Variants in PBX3 observed in about 807,000 individuals in gnomAD.
PBX3 encodes PBX homeobox 3, also known as pre-B-cell leukemia transcription factor 3.
Under a neutral mutation model 48.5 loss-of-function variants are expected in PBX3, and 14 were observed. That is an observed-to-expected ratio of 0.29 (90% CI 0.19 to 0.45). The LOEUF (loss-of-function observed/expected upper bound fraction) is 0.45, where lower values mean the gene tolerates loss of function less well. Ranked by LOEUF, PBX3 falls within the 20% of genes least tolerant of loss-of-function variation. PBX3 has a pLI of 1.00. For synonymous variants in PBX3, 210 were observed against 200.3 expected (o/e 1.05, Z -0.41); for missense variants, 386 against 546.7 (o/e 0.71, Z 2.93).
At chr9:125,881,339 G>A (rs1456389549) in intron 2 of PBX3, among the ~76,000 whole-genome samples, 1 of 152,240 alleles carries the variant, frequency 6.6e-6, no homozygotes, top group Admixed American at 6.5e-5. Flanking sequence ...TGATTGTAAA[G>A]CTGTGTGTTG....
chr9:125,829,158 C>T (rs893371632), intron 2 of PBX3, among the ~76,000 whole-genome samples: 1 of 152,136 alleles, frequency 6.6e-6, no homozygotes, highest in African/African-American at 2.4e-5. Flanking sequence ...AAAGACGATT[C>T]GTTGCATGAT....
At chr9:125,880,304 A>C (rs1199536215) in intron 2 of PBX3, among the ~76,000 whole-genome samples, 1 of 152,188 alleles carries the variant, frequency 6.6e-6, no homozygotes, top group African/African-American at 2.4e-5. Context: ...CGGCCTCCCA[A>C]AGTGTTGGGA....
At chr9:125,799,466 A>G (rs960158786) in intron 2 of PBX3, among the ~76,000 whole-genome samples, 1 of 152,234 alleles carries the variant, frequency 6.6e-6, no homozygotes, top group African/African-American at 2.4e-5. Flanking sequence ...TGGTTGTGCC[A>G]CTGCACTCCG....
intron 5 of PBX3, among the ~76,000 whole-genome samples, chr9:125,939,280 C>T (rs1041219254): frequency 6.6e-6 from 1 of 151,602 alleles, no homozygotes; most frequent in East Asian, 1.9e-4. Context: ...GACAAAGAAC[C>T]GATTTCAAAA....
chr9:125,924,709 T>G (rs1841533227), intron 3 of PBX3, among the ~76,000 whole-genome samples: 1 of 152,220 alleles, frequency 6.6e-6, no homozygotes, highest in African/African-American at 2.4e-5. Context: ...AATATCGTAT[T>G]TATGGATATC....
At chr9:125,793,550 C>G (rs2132072703) in intron 2 of PBX3, among the ~76,000 whole-genome samples, 1 of 151,588 alleles carries the variant, frequency 6.6e-6, no homozygotes, top group Middle Eastern at 3.4e-3. Context: ...CTGCATCAGC[C>G]TCCCTAGTAG....
chr9:125,753,146 A>G (rs73667044), intron 2 of PBX3, among the ~76,000 whole-genome samples: 5,525 of 152,216 alleles, frequency 0.036, 347 homozygotes, highest in African/African-American at 0.12. Context: ...TTTAAGTTTC[A>G]TATCAATTTT....
At chr9:125,750,292 C>T (rs1248397830) in intron 2 of PBX3, among the ~76,000 whole-genome samples, 1 of 152,178 alleles carries the variant, frequency 6.6e-6, no homozygotes, top group African/African-American at 2.4e-5. Flanking sequence ...TATCGCTTCT[C>T]ATCCCCTTCT....
chr9:125,752,871 A>T (rs972881441), intron 2 of PBX3, among the ~76,000 whole-genome samples: 1 of 152,198 alleles, frequency 6.6e-6, no homozygotes, highest in Non-Finnish European at 1.5e-5. Context: ...TCAAGTTTTA[A>T]AAACAAATGC....
intron 2 of PBX3, among the ~76,000 whole-genome samples, chr9:125,866,074 C>T (rs1011439417): frequency 1.2e-4 from 18 of 150,776 alleles, no homozygotes; most frequent in African/African-American, 4.4e-4. Context: ...AAAAAAGCAA[C>T]GGTCACATAA....
intron 2 of PBX3, among the ~76,000 whole-genome samples, chr9:125,896,474 C>G (rs1840770671): frequency 6.6e-6 from 1 of 151,902 alleles, no homozygotes; most frequent in Admixed American, 6.6e-5. Flanking sequence ...TTAAAAATGC[C>G]CATTTTCTTT....
At chr9:125,820,895 T>C (rs1838631230) in intron 2 of PBX3, among the ~76,000 whole-genome samples, 1 of 152,254 alleles carries the variant, frequency 6.6e-6, no homozygotes, top group Admixed American at 6.5e-5. Flanking sequence ...TAATGTTTTG[T>C]TCAGTCTTTT....
intron 2 of PBX3, among the ~76,000 whole-genome samples, chr9:125,801,401 A>G (rs1359349206): frequency 6.6e-6 from 1 of 152,162 alleles, no homozygotes; most frequent in Admixed American, 6.5e-5. Flanking sequence ...TCTTGCCTAC[A>G]ACTCTGGCTC....
At chr9:125,838,631 T>C (rs986627247) in intron 2 of PBX3, among the ~76,000 whole-genome samples, 4 of 152,226 alleles carry the variant, frequency 2.6e-5, no homozygotes, top group Non-Finnish European at 5.9e-5. Flanking sequence ...ATAAATGTAA[T>C]TGTTGATTGC....
chr9:125,832,947 G>C (rs1276061644), intron 2 of PBX3, among the ~76,000 whole-genome samples: 1 of 152,116 alleles, frequency 6.6e-6, no homozygotes, highest in African/African-American at 2.4e-5. Context: ...ATTTCCTGAT[G>C]GCTCTGTCTG....
chr9:125,910,009 G>A (rs963625179), intron 2 of PBX3, among the ~76,000 whole-genome samples: 1 of 152,190 alleles, frequency 6.6e-6, no homozygotes, highest in Non-Finnish European at 1.5e-5. Flanking sequence ...GTAATAAAGC[G>A]ATGGATTGAC....
At chr9:125,748,821 G>T in intron 2 of PBX3, 198 bp downstream of exon 2, 1 of 478,932 alleles carries the variant, frequency 2.1e-6, no homozygotes, top group Non-Finnish European at 3.8e-6. Context: ...GGTGTAAAAT[G>T]AAGTGTAGGT....
chr9:125,882,098 C>T (rs1403845554), intron 2 of PBX3, among the ~76,000 whole-genome samples: 2 of 151,696 alleles, frequency 1.3e-5, no homozygotes, highest in African/African-American at 2.4e-5. Flanking sequence ...GGTGTGGTGG[C>T]ACATGCTTGT....
At chr9:125,834,076 C>G (rs949076389) in intron 2 of PBX3, among the ~76,000 whole-genome samples, 1 of 152,170 alleles carries the variant, frequency 6.6e-6, no homozygotes, top group African/African-American at 2.4e-5. Flanking sequence ...ACAGCAATGA[C>G]TATGGCTGAC....
Sources: gnomAD v4.1 joint callset for allele counts (sites outside exome capture counted in the v4.1 genomes callset) on GRCh38, gnomAD v4.1.1 for gene constraint, MANE v1.5 for transcripts, NCBI Gene and HGNC (gene_info 2026-07-23, HGNC 2026-07-21) for gene names.